Variants in RBMS3 observed in about 807,000 individuals in gnomAD.
The protein encoded by RBMS3 is RNA-binding motif, single-stranded-interacting protein 3.
In RBMS3, 27 loss-of-function variants were observed where a neutral mutation model predicts 66.8. The ratio of observed to expected loss-of-function variants is 0.40; its 90% CI spans 0.30 to 0.56. RBMS3 has a LOEUF of 0.56. Ranked by LOEUF, RBMS3 falls within the 20% of genes least tolerant of loss-of-function variation. RBMS3 has a pLI of 0.40. For missense variants in RBMS3, 513 were observed against 549.5 expected, an observed-to-expected ratio of 0.93 and a Z score of 0.66; for synonymous variants, 188 against 183.0, an observed-to-expected ratio of 1.03 and a Z score of -0.22.
intron 3 of RBMS3, among the ~76,000 whole-genome samples, chr3:29,535,240 G>T (rs902604086): frequency 1.3e-5 from 2 of 152,128 alleles, no homozygotes; most frequent in African/African-American, 4.8e-5. Flanking sequence ...ATATTTGTGT[G>T]CTAGAGATGG....
At chr3:29,934,928 T>C (rs1475013850) in intron 10 of RBMS3, among the ~76,000 whole-genome samples, 1 of 152,096 alleles carries the variant, frequency 6.6e-6, no homozygotes, top group Non-Finnish European at 1.5e-5. Flanking sequence ...AAACGCGCAG[T>C]GGGTAATTAG....
chr3:29,397,717 C>A (rs545389105), intron 1 of RBMS3, among the ~76,000 whole-genome samples: 1 of 152,206 alleles, frequency 6.6e-6, no homozygotes, highest in South Asian at 2.1e-4. Flanking sequence ...TTCTAAACTC[C>A]TTTCCATTTT....
At chr3:29,619,697 C>G (rs995219388) in intron 4 of RBMS3, among the ~76,000 whole-genome samples, 13 of 152,240 alleles carry the variant, frequency 8.5e-5, no homozygotes, top group African/African-American at 3.1e-4. Context: ...GTTGAACATT[C>G]CAAAATTTCT....
intron 4 of RBMS3, chr3:29,614,504 A>T (rs1441284318): frequency 6.6e-6 from 1 of 152,200 alleles, no homozygotes; most frequent in Non-Finnish European, 1.5e-5. Context: ...GAGGCAATGC[A>T]TATATTAATT....
At chr3:29,783,249 G>A (rs4302342) in intron 6 of RBMS3, among the ~76,000 whole-genome samples, 74,620 of 151,820 alleles carry the variant, frequency 0.49, 18,641 homozygotes, top group East Asian at 0.64. Flanking sequence ...CATTGTCATC[G>A]GGTTATCTAA....
chr3:29,402,679 T>C (rs778726617), intron 1 of RBMS3, among the ~76,000 whole-genome samples: 3 of 152,078 alleles, frequency 2.0e-5, no homozygotes, highest in Non-Finnish European at 4.4e-5. Flanking sequence ...AGACCTCTTC[T>C]GTGTAGTTGG....
At chr3:29,659,524 C>T (rs1302470103) in intron 4 of RBMS3, among the ~76,000 whole-genome samples, 2 of 152,078 alleles carry the variant, frequency 1.3e-5, no homozygotes, top group African/African-American at 2.4e-5. Context: ...AATGTAATAT[C>T]CCCAAAGATC....
chr3:29,774,374 C>G (rs187421615), intron 6 of RBMS3, among the ~76,000 whole-genome samples: 2 of 151,874 alleles, frequency 1.3e-5, no homozygotes, highest in Admixed American at 1.3e-4. Context: ...GAGCAATCAC[C>G]GGCCGATTAT....
intron 3 of RBMS3, among the ~76,000 whole-genome samples, chr3:29,573,127 A>G (rs1052036563): frequency 1.3e-5 from 2 of 150,956 alleles, no homozygotes; most frequent in African/African-American, 4.9e-5. Flanking sequence ...ATTCTTTTTT[A>G]TTTTTTCTTT....
intron 3 of RBMS3, among the ~76,000 whole-genome samples, chr3:29,534,569 G>T (rs906250254): frequency 1.3e-5 from 2 of 152,128 alleles, no homozygotes; most frequent in Non-Finnish European, 2.9e-5. Flanking sequence ...TTTCCTAAAG[G>T]TTCTTTACAC....
intron 4 of RBMS3, among the ~76,000 whole-genome samples, chr3:29,729,831 A>AG (rs1040710094): frequency 6.6e-6 from 1 of 151,856 alleles, no homozygotes; most frequent in Non-Finnish European, 1.5e-5. Context: ...CCTAAGCAAA[A>AG]AGAACAATTG....
chr3:29,494,600 T>G (rs2043670278), intron 3 of RBMS3, among the ~76,000 whole-genome samples: 1 of 152,244 alleles, frequency 6.6e-6, no homozygotes, highest in Admixed American at 6.5e-5. Context: ...CACAGAGATT[T>G]GCACTGCATT....
intron 8 of RBMS3, among the ~76,000 whole-genome samples, chr3:29,891,852 A>G (rs747116104): frequency 1.3e-5 from 2 of 151,546 alleles, no homozygotes; most frequent in Non-Finnish European, 3.0e-5. Flanking sequence ...CCAATACCTT[A>G]TTAATCTTGT....
chr3:29,372,998 T>C (rs1232874643), intron 1 of RBMS3, among the ~76,000 whole-genome samples: 1 of 152,132 alleles, frequency 6.6e-6, no homozygotes, highest in East Asian at 1.9e-4. Flanking sequence ...TAAACCTAAA[T>C]ATAAATTTTT....
intron 12 of RBMS3, among the ~76,000 whole-genome samples, chr3:29,963,880 T>C (rs772684611): frequency 1.6e-5 from 2 of 128,078 alleles, no homozygotes; most frequent in East Asian, 2.3e-4. Flanking sequence ...AGGAAGAAAA[T>C]GGATGTAAAG....
intron 3 of RBMS3, among the ~76,000 whole-genome samples, chr3:29,545,417 A>G (rs556042662): frequency 6.6e-6 from 1 of 152,308 alleles, no homozygotes; most frequent in African/African-American, 2.4e-5. Context: ...AATGTGTAAC[A>G]GTAAGCAGAT....
At chr3:29,421,814 A>G (rs1473889368) in intron 1 of RBMS3, among the ~76,000 whole-genome samples, 1 of 152,134 alleles carries the variant, frequency 6.6e-6, no homozygotes, top group African/African-American at 2.4e-5. Context: ...TAATCTAGAG[A>G]ATTTCATTCT....
chr3:29,718,782 C>T (rs753443494), intron 4 of RBMS3, among the ~76,000 whole-genome samples: 5 of 152,118 alleles, frequency 3.3e-5, no homozygotes, highest in African/African-American at 7.2e-5. Flanking sequence ...GATGTGCTGC[C>T]GCATACCAGG....
intron 4 of RBMS3, among the ~76,000 whole-genome samples, chr3:29,635,251 A>ATC (rs1462395713): frequency 1.3e-5 from 2 of 151,830 alleles, no homozygotes; most frequent in African/African-American, 2.4e-5. Flanking sequence ...CTGCACTTAG[A>ATC]TGTCTGTTAG....
Sources: gnomAD v4.1 joint callset for allele counts (sites outside exome capture counted in the v4.1 genomes callset) on GRCh38, gnomAD v4.1.1 for gene constraint, MANE v1.5 for transcripts, NCBI Gene and HGNC (gene_info 2026-07-23, HGNC 2026-07-21) for gene names.